Variants in CHRNA1 observed in about 807,000 individuals in gnomAD.
CHRNA1 encodes acetylcholine receptor subunit alpha.
A neutral mutation model predicts 47.1 loss-of-function variants in CHRNA1; 35 were observed. The ratio of observed to expected loss-of-function variants is 0.74; its 90% CI spans 0.57 to 0.99. CHRNA1 has a LOEUF of 0.99. Among genes scored for constraint, CHRNA1 ranks in the 50% least tolerant of loss-of-function variants. The probability of loss-of-function intolerance (pLI) is 0.00; values close to 1 mark genes in which losing one functional copy is unlikely to be tolerated. For synonymous variants in CHRNA1, 229 were observed against 223.6 expected (o/e 1.02, Z -0.22); for missense variants, 506 against 591.1 (o/e 0.86, Z 1.49).
At position 174,753,733 on chromosome 2, in the gene CHRNA1, T is replaced by G. The variant is rs1444098674; in HGVS notation, c.548A>C (p.Asp183Ala). Residue 183 changes from aspartate to alanine, a missense_variant, in exon 6 of 9, where the codon GAC (aspartate) becomes GCC (alanine). Asp to Ala is a moderately radical substitution (Grantham distance 126). Transcript: ENST00000348749. Reference protein sequence around the residue: ...GSVVAINPESDQPDLSNFMES... With the variant: ...GSVVAINPESAQPDLSNFMES... ...CATGAAGTTGCTCAGGTCTGGCTGG[T>G]CGCTTTCCTGAGAAAGGAAGTGAGG... 40 of 1,613,786 alleles carry G rather than the reference T, an allele frequency of 2.5e-5. No homozygotes were observed. The highest frequency in any genetic ancestry group is 3.2e-5 in the Non-Finnish European group (38 of 1,179,914).
At chr2:174,748,521 G>A (rs1431617286) in intron 8 of CHRNA1, 59 bp downstream of exon 8, 2 of 1,591,002 alleles carry the variant, frequency 1.3e-6, no homozygotes, top group Non-Finnish European at 8.6e-7. Context: ...CTCACCACCT[G>A]TGCTCATACA....
chr2:174,752,889 T>C (rs1683885557), intron 6 of CHRNA1: 1 of 158,994 alleles, frequency 6.3e-6, no homozygotes, highest in Non-Finnish European at 1.4e-5. Context: ...GGCAGGCAGA[T>C]GGGTACCCTT....
intron 1 of CHRNA1, among the ~76,000 whole-genome samples, chr2:174,762,321 G>A (rs529613448): frequency 1.3e-5 from 2 of 152,218 alleles, no homozygotes; most frequent in South Asian, 2.1e-4. Flanking sequence ...AGTTCTTCAT[G>A]GATTCAACGA....
At position 174,764,365 on chromosome 2, in the gene CHRNA1, A is replaced by G; in HGVS notation, c.30T>C (p.Phe10=). The change falls in exon 1 of 9, where the codon TTT becomes TTC. Residue 10 remains phenylalanine, a synonymous_variant. Transcript: ENST00000348749. MEPWPLLLL[F]SLCSAGLVLG... ...CCCAGCACTTACCTGAGCAAAGGCTAAAGAGCAGGAGGAGAGGCCAGGGCT... is the reference window on the plus strand; with the variant it reads ...CCCAGCACTTACCTGAGCAAAGGCTGAAGAGCAGGAGGAGAGGCCAGGGCT... The G allele has an allele frequency of 6.2e-7, 1 of 1,613,512 alleles. No homozygotes were observed. The highest frequency in any genetic ancestry group is 8.5e-7 in the Non-Finnish European group (1 of 1,179,770).
At chr2:174,754,980 G>C (rs1683952557) in intron 4 of CHRNA1, among the ~76,000 whole-genome samples, 1 of 150,304 alleles carries the variant, frequency 6.7e-6, no homozygotes, top group Admixed American at 6.6e-5. Flanking sequence ...CCACCTCCCG[G>C]GCTCAAGCAA....
chr2:174,754,460 G>A (rs1231552532), intron 4 of CHRNA1, 46 bp from the exon 5 acceptor site: 1 of 1,550,738 alleles, frequency 6.4e-7, no homozygotes, highest in South Asian at 1.1e-5. Flanking sequence ...TGACAGATGA[G>A]CCTTCCATTC....
chr2:174,764,283 G>T, intron 1 of CHRNA1, 69 bp downstream of exon 1: 1 of 1,525,604 alleles, frequency 6.6e-7, no homozygotes, highest in South Asian at 1.2e-5. Context: ...GCAAGACTTT[G>T]ATTTGGGGGC....
chr2:174,750,822 G>C (rs1683833538), intron 6 of CHRNA1, among the ~76,000 whole-genome samples: 2 of 152,086 alleles, frequency 1.3e-5, no homozygotes, highest in Admixed American at 6.6e-5. Context: ...TGGAACCCAG[G>C]GAACTGAAAG....
chr2:174,760,888 A>G (rs187732221), intron 1 of CHRNA1, among the ~76,000 whole-genome samples: 75 of 152,284 alleles, frequency 4.9e-4, no homozygotes, highest in Non-Finnish European at 9.3e-4. Flanking sequence ...TATAGAGAGC[A>G]ATATCATCTA....
chr2:174,754,008 A>G (rs1237029396), intron 5 of CHRNA1, among the ~76,000 whole-genome samples: 1 of 152,138 alleles, frequency 6.6e-6, no homozygotes, highest in Non-Finnish European at 1.5e-5. Context: ...CCCCAGGCCC[A>G]TTACATCAGA....
Position 174,753,733 on chromosome 2 carries a change from T to C in CHRNA1, c.548A>G (p.Asp183Gly), listed in dbSNP as rs1444098674. 1 of 1,613,786 alleles carries C rather than the reference T, an allele frequency of 6.2e-7. No individual in the cohort carries two copies. The highest frequency in any genetic ancestry group is 1.7e-5 in the Admixed American group (1 of 59,974). ...CATGAAGTTGCTCAGGTCTGGCTGG[T>C]CGCTTTCCTGAGAAAGGAAGTGAGG... is the stretch of plus-strand genomic sequence containing the variant. ...GSVVAINPES[D>G]QPDLSNFMES... The change falls in exon 6 of 9, where the codon GAC becomes GGC. Residue 183 changes from aspartate (D) to glycine (G), a missense_variant. By Grantham distance (94) the Asp-to-Gly change is moderately conservative. Transcript: ENST00000348749.
rs759182381 is a variant in CHRNA1, at chr2:174,748,671, G to A, written c.1151C>T (p.Ser384Phe). 2.5e-6 allele frequency: 4 copies of A among 1,614,260 alleles called. No individual in the cohort carries two copies. The Admixed American group carries it at 6.7e-5, about 27-fold the overall frequency. The change falls in exon 8 of 9, where the codon TCT becomes TTT. Residue 384 changes from serine (S) to phenylalanine (F), a missense_variant. By Grantham distance (155) the Ser-to-Phe change is radical. Coordinates refer to ENST00000348749, the MANE Select transcript of CHRNA1 (RefSeq NM_000079.4). The part of the protein sequence containing the change: ...KPGPPPMGFH[S>F]PLIKHPEVKS... ...CACCTCGGGGTGTTTGATCAGGGGA[G>A]AGTGGAAGCCCATGGGTGGAGGCCC...
At chr2:174,763,454 A>C (rs1684135318) in intron 1 of CHRNA1, among the ~76,000 whole-genome samples, 1 of 152,184 alleles carries the variant, frequency 6.6e-6, no homozygotes, top group African/African-American at 2.4e-5. Flanking sequence ...GAAAAAAATT[A>C]ATAATAAAGC....
rs1375203824 is a variant in CHRNA1 at position 174,749,838 on chromosome 2, C to T, written c.1002+108G>A. 3.1e-5 allele frequency: 31 copies of T among 986,140 alleles called. 1 individual carries two copies. The Middle Eastern group carries it at 9.2e-4, about 29-fold the overall frequency. The allele number at this position is 986,140 out of a possible 1,614,324, so 61.1% of individuals were successfully genotyped here. A position where few individuals can be genotyped will look rare whatever the true frequency, so the allele number is the denominator to read the frequency against. ...AAAATTCCCTAAAGCCCAAAGAGAA[C>T]TTAGTTCCTAAATAGCCCCAAGTAT... On this transcript the variant is annotated intron_variant, in intron 7 of 8. Transcript: ENST00000348749.
At chr2:174,757,118 A>G (rs2600688) in intron 4 of CHRNA1, among the ~76,000 whole-genome samples, 131,592 of 151,988 alleles carry the variant, frequency 0.87, 58,000 homozygotes, top group East Asian at 1. Context: ...TTGGTAGGGA[A>G]GACACTAGAT....
Position 174,754,882 on chromosome 2 carries a change from C to CTTTT in CHRNA1, c.345-472_345-469dup, listed in dbSNP as rs34233623. 1.5e-3 allele frequency among the ~76,000 whole-genome samples: 179 copies of CTTTT among 120,388 alleles called. 4 individuals carry two copies. The highest frequency in any genetic ancestry group is 5.5e-3 in the African/African-American group (156 of 28,596). 79.0% of individuals were successfully genotyped at this position (120,388 alleles called of 152,430 possible). A position where few individuals can be genotyped will look rare whatever the true frequency, so the allele number is the denominator to read the frequency against. ...CAGGTTAGGGAAGGGGCCTACTACT[C>CTTTT]TTTTTTTTTTTTTTTTTTTTTGAGA... On this transcript the variant is annotated intron_variant, in intron 4 of 8. Coordinates refer to ENST00000348749, the MANE Select transcript of CHRNA1 (RefSeq NM_000079.4).
intron 4 of CHRNA1, 24 bp downstream of exon 4, chr2:174,757,542 C>T: frequency 6.3e-7 from 1 of 1,580,380 alleles, no homozygotes. Flanking sequence ...GGAGCACCCT[C>T]CGCCACCCAT....
chr2:174,757,405 C>T (rs1050964519), intron 4 of CHRNA1, among the ~76,000 whole-genome samples, 161 bp downstream of exon 4: 2 of 151,600 alleles, frequency 1.3e-5, no homozygotes, highest in African/African-American at 4.8e-5. Flanking sequence ...ATCCTCCCAC[C>T]TTGGCCTCCC....
chr2:174,762,139 C>T (rs927482680), intron 1 of CHRNA1, among the ~76,000 whole-genome samples: 21 of 152,188 alleles, frequency 1.4e-4, no homozygotes, highest in African/African-American at 5.1e-4. Context: ...GTGCCTGTTC[C>T]TTCCATAAGG....
Sources: allele counts gnomAD v4.1 joint callset (sites outside exome capture counted in the v4.1 genomes callset), GRCh38; gene constraint gnomAD v4.1.1; transcripts MANE v1.5; gene names NCBI Gene and HGNC (gene_info 2026-07-23, HGNC 2026-07-21).